Variants in NDUFAF2 observed in about 807,000 individuals in gnomAD.
The protein encoded by NDUFAF2 is NADH:ubiquinone oxidoreductase complex assembly factor 2, also known as NADH dehydrogenase [ubiquinone] 1 alpha subcomplex assembly factor 2.
NDUFAF2 carries 13 observed loss-of-function variants against 22.8 expected under a neutral mutation model. The observed-to-expected ratio is 0.57, with a 90% confidence interval of 0.37 to 0.91. The LOEUF (loss-of-function observed/expected upper bound fraction) is 0.91. Ranked by LOEUF, NDUFAF2 falls within the 40% of genes least tolerant of loss-of-function variation. The pLI, the probability that NDUFAF2 is intolerant of heterozygous loss-of-function variation, is 0.01. For missense variants in NDUFAF2, 162 were observed against 195.2 expected (o/e 0.83, Z 1.01); for synonymous variants, 53 against 64.2 (o/e 0.83, Z 0.84).
intron 3 of NDUFAF2, among the ~76,000 whole-genome samples, chr5:61,133,903 T>G (rs1403563688): frequency 6.6e-6 from 1 of 152,236 alleles, no homozygotes; most frequent in African/African-American, 2.4e-5. Context: ...ATACATACAC[T>G]TTTACCCTCT....
chr5:60,964,200 C>T (rs1021212018), intron 1 of NDUFAF2, among the ~76,000 whole-genome samples: 1 of 152,086 alleles, frequency 6.6e-6, no homozygotes, highest in African/African-American at 2.4e-5. Context: ...ACAAAGAATT[C>T]TCACATACTT....
chr5:61,076,860 G>A (rs542861106), intron 2 of NDUFAF2, among the ~76,000 whole-genome samples: 2 of 152,314 alleles, frequency 1.3e-5, no homozygotes, highest in Admixed American at 1.3e-4. Flanking sequence ...AGAAGAAGTT[G>A]CATTCCGGAT....
chr5:60,956,767 T>C (rs946705695), intron 1 of NDUFAF2, among the ~76,000 whole-genome samples: 2 of 152,234 alleles, frequency 1.3e-5, no homozygotes, highest in African/African-American at 4.8e-5. Flanking sequence ...CTATATTTTC[T>C]ATACTTTCTG....
chr5:61,130,956 A>G (rs1245497213), intron 3 of NDUFAF2, among the ~76,000 whole-genome samples: 2 of 152,308 alleles, frequency 1.3e-5, no homozygotes, highest in East Asian at 1.9e-4. Flanking sequence ...AAAAAGGAAT[A>G]CACGAGAGAG....
At chr5:61,059,175 A>T (rs867837505) in intron 1 of NDUFAF2, among the ~76,000 whole-genome samples, 6 of 152,072 alleles carry the variant, frequency 3.9e-5, no homozygotes, top group African/African-American at 1.4e-4. Flanking sequence ...TTAACTTTTA[A>T]TTATAAATCT....
chr5:61,047,811 T>C (rs915083971), intron 1 of NDUFAF2, among the ~76,000 whole-genome samples: 3 of 152,104 alleles, frequency 2.0e-5, no homozygotes, highest in Non-Finnish European at 2.9e-5. Context: ...AAGAGTAAAC[T>C]AGAGTATTTT....
intron 3 of NDUFAF2, among the ~76,000 whole-genome samples, chr5:61,134,508 A>AC (rs945665562): frequency 5.0e-4 from 76 of 152,122 alleles, no homozygotes; most frequent in African/African-American, 1.8e-3. Context: ...ACACAGTGAA[A>AC]CCCCATCTCT....
chr5:61,148,015 G>A (rs918518110), intron 3 of NDUFAF2, among the ~76,000 whole-genome samples: 8 of 152,254 alleles, frequency 5.3e-5, no homozygotes, highest in South Asian at 4.1e-4. Flanking sequence ...GAGTTTCACC[G>A]CGCACATGGA....
intron 1 of NDUFAF2, among the ~76,000 whole-genome samples, chr5:60,989,995 T>G (rs1751137258): frequency 6.6e-6 from 1 of 152,162 alleles, no homozygotes; most frequent in African/African-American, 2.4e-5. Flanking sequence ...ATCCTGTCAT[T>G]TGCAACAACG....
intron 3 of NDUFAF2, among the ~76,000 whole-genome samples, chr5:61,105,629 CAA>C (rs35145386): frequency 0.016 from 1,875 of 117,700 alleles, 25 homozygotes; most frequent in Middle Eastern, 0.025. Context: ...TGATACTGAG[CAA>C]AAAAAAAAAA....
chr5:61,104,622 C>T (rs1179761081), intron 3 of NDUFAF2, among the ~76,000 whole-genome samples: 1 of 152,054 alleles, frequency 6.6e-6, no homozygotes, highest in Non-Finnish European at 1.5e-5. Flanking sequence ...ATTCTCAAAT[C>T]TGGGCTGCAG....
intron 2 of NDUFAF2, among the ~76,000 whole-genome samples, chr5:61,088,471 A>G (rs777432252): frequency 1.3e-5 from 2 of 152,042 alleles, no homozygotes; most frequent in Admixed American, 6.6e-5. Context: ...ATGTAAACAG[A>G]CTGGGGAACT....
intron 1 of NDUFAF2, among the ~76,000 whole-genome samples, chr5:60,948,300 A>G (rs1203548783): frequency 2.0e-5 from 3 of 152,136 alleles, no homozygotes; most frequent in Non-Finnish European, 4.4e-5. Flanking sequence ...GCTTACTGCA[A>G]CCTCTGCCTC....
intron 1 of NDUFAF2, among the ~76,000 whole-genome samples, chr5:60,951,503 T>C (rs1750548019): frequency 6.6e-6 from 1 of 152,224 alleles, no homozygotes; most frequent in Non-Finnish European, 1.5e-5. Context: ...TTAACTCATT[T>C]GGCATTGATT....
intron 3 of NDUFAF2, among the ~76,000 whole-genome samples, chr5:61,120,705 A>G (rs1261948115): frequency 4.0e-5 from 6 of 148,242 alleles, no homozygotes; most frequent in Non-Finnish European, 7.4e-5. Flanking sequence ...TTAAAAGTAT[A>G]CAGAATTAGT....
At chr5:60,948,550 G>C (rs1252471207) in intron 1 of NDUFAF2, among the ~76,000 whole-genome samples, 1 of 102,648 alleles carries the variant, frequency 9.7e-6, no homozygotes, top group Non-Finnish European at 2.1e-5. Context: ...CACATATTCT[G>C]CTTTTTTTTT....
At chr5:61,011,957 T>C (rs758354231) in intron 1 of NDUFAF2, among the ~76,000 whole-genome samples, 1 of 152,194 alleles carries the variant, frequency 6.6e-6, no homozygotes, top group Non-Finnish European at 1.5e-5. Context: ...TCCATTAATC[T>C]ACTCATACTG....
intron 1 of NDUFAF2, among the ~76,000 whole-genome samples, chr5:60,946,743 GATTCAAGTAA>G (rs1750464378): frequency 6.6e-6 from 1 of 152,146 alleles, no homozygotes. Flanking sequence ...AACCTCACTG[GATTCAAGTAA>G]TAGAATAATT....
intron 1 of NDUFAF2, among the ~76,000 whole-genome samples, chr5:60,983,148 C>T (rs1307102190): frequency 1.3e-5 from 2 of 150,726 alleles, no homozygotes; most frequent in African/African-American, 4.9e-5. Context: ...CTCTGATGGC[C>T]AGTGATGATG....
Sources: allele counts gnomAD v4.1 joint callset (sites outside exome capture counted in the v4.1 genomes callset), GRCh38; gene constraint gnomAD v4.1.1; transcripts MANE v1.5; gene names NCBI Gene and HGNC (gene_info 2026-07-23, HGNC 2026-07-21).